Variants in SLC11A2 observed in about 807,000 individuals in gnomAD.
The protein encoded by SLC11A2 is natural resistance-associated macrophage protein 2.
A neutral mutation model predicts 68.0 loss-of-function variants in SLC11A2; 38 were observed. The ratio of observed to expected loss-of-function variants is 0.56; its 90% CI spans 0.43 to 0.73. The LOEUF is 0.73. SLC11A2 is among the 30% of genes least tolerant of loss of function. The pLI is 0.00. For missense variants in SLC11A2, 517 were observed against 690.5 expected (o/e 0.75, Z 2.82); for synonymous variants, 242 against 250.6 (o/e 0.97, Z 0.32).
chr12:50,987,236 A>T lies in SLC11A2; in HGVS notation c.*1089T>A. On this transcript the variant is annotated 3_prime_UTR_variant, in exon 16 of 16. Transcript: ENST00000262052. ...CTTTGCTGAGACAGTGAACTTTGCA[A>T]CCATACTAACACCTACTGACTTGCA... 2 of 1,287,188 alleles carry T rather than the reference A, an allele frequency of 1.6e-6. No individual in the cohort carries two copies. Among genetic ancestry groups the T allele is most frequent in the Non-Finnish European group, 2.0e-6 (2 of 988,668 alleles). The allele number at this position is 1,287,188 out of a possible 1,614,324, so 79.7% of individuals were successfully genotyped here.
At chr12:51,010,011 A>G (rs1943070100) in intron 2 of SLC11A2, among the ~76,000 whole-genome samples, 2 of 151,848 alleles carry the variant, frequency 1.3e-5, no homozygotes, top group South Asian at 2.1e-4. Context: ...GCAAAACCCC[A>G]TCTCTACTAA....
chr12:51,017,422 G>A (rs1943740112), intron 1 of SLC11A2, among the ~76,000 whole-genome samples: 1 of 152,064 alleles, frequency 6.6e-6, no homozygotes, highest in Non-Finnish European at 1.5e-5. Context: ...AGAAAAAAGA[G>A]AAAACACACA....
At chr12:50,981,993 A>G (rs1940064396), downstream of SLC11A2, among the ~76,000 whole-genome samples, 1 of 152,356 alleles carries the variant, frequency 6.6e-6, no homozygotes, top group Admixed American at 6.5e-5. Flanking sequence ...AATAACAGGT[A>G]GGAGCTGAAA....
downstream of SLC11A2, among the ~76,000 whole-genome samples, chr12:50,982,907 C>T (rs994378613): frequency 9.3e-5 from 14 of 150,064 alleles, no homozygotes; most frequent in South Asian, 2.7e-3. Flanking sequence ...TGCCACTGCA[C>T]TCCGGCCTGG....
chr12:51,026,270 G>A (rs530010853), intron 1 of SLC11A2, 40 bp downstream of exon 1: 25 of 1,207,920 alleles, frequency 2.1e-5, no homozygotes, highest in Admixed American at 1.3e-4. Flanking sequence ...CCCTGCCAGC[G>A]AGCGGAATGC....
chr12:51,005,743 C>A, intron 3 of SLC11A2: 1 of 1,264,814 alleles, frequency 7.9e-7, no homozygotes, highest in East Asian at 5.5e-5. Context: ...ACAAGAGCCA[C>A]CATTTTAAAA....
downstream of SLC11A2, among the ~76,000 whole-genome samples, chr12:50,975,855 T>C (rs1939841171): frequency 6.6e-6 from 1 of 152,168 alleles, no homozygotes; most frequent in Non-Finnish European, 1.5e-5. Context: ...CAGAGAATAC[T>C]ATGAACACCC....
the SLC11A2 span, among the ~76,000 whole-genome samples, chr12:50,968,934 C>G: frequency 6.6e-6 from 1 of 152,176 alleles, no homozygotes. Flanking sequence ...CTCCCTTGGC[C>G]TTCCAACGTG....
In SLC11A2 at chr12:50,987,517, A is replaced by T; in HGVS notation, c.*808T>A. On this transcript the variant is annotated 3_prime_UTR_variant, in exon 16 of 16. Coordinates refer to ENST00000262052, the MANE Select transcript of SLC11A2 (RefSeq NM_000617.3). ...TATCACCACCCTCCTGGAGAAAGAA[A>T]GTTAAGGTTTTACAACCACATGTGC... 1 of 1,287,254 alleles carries T rather than the reference A, an allele frequency of 7.8e-7. No individual in the cohort carries two copies. The highest frequency in any genetic ancestry group is 1.0e-6 in the Non-Finnish European group (1 of 988,698). 79.7% of individuals were successfully genotyped at this position (1,287,254 alleles called of 1,614,324 possible). A position where few individuals can be genotyped will look rare whatever the true frequency, so the allele number is the denominator to read the frequency against.
chr12:50,984,269 C>CA (rs1176253665), downstream of SLC11A2, among the ~76,000 whole-genome samples: 2 of 152,134 alleles, frequency 1.3e-5, no homozygotes, highest in African/African-American at 2.4e-5. Context: ...CAGATTAGAC[C>CA]AAATGATGCC....
At chr12:50,959,108 T>C in the SLC11A2 span, among the ~76,000 whole-genome samples, 8 of 152,158 alleles carry the variant, frequency 5.3e-5, no homozygotes, top group Admixed American at 5.2e-4. Context: ...CTATTACATC[T>C]ACCATATCCT....
At chr12:51,004,961 G>T in intron 4 of SLC11A2, 54 bp from the exon 5 acceptor site, 1 of 1,602,572 alleles carries the variant, frequency 6.2e-7, no homozygotes, top group Non-Finnish European at 8.5e-7. Flanking sequence ...GTTTTTGTCT[G>T]TTTGTTTGTT....
intron 1 of SLC11A2, among the ~76,000 whole-genome samples, chr12:51,016,483 A>C (rs984562550): frequency 2.0e-5 from 3 of 152,010 alleles, no homozygotes; most frequent in Non-Finnish European, 4.4e-5. Context: ...AGAGCTTGAG[A>C]CCAGCCTGGC....
At chr12:51,017,722 A>T (rs1203188252) in intron 1 of SLC11A2, among the ~76,000 whole-genome samples, 1 of 152,216 alleles carries the variant, frequency 6.6e-6, no homozygotes, top group Non-Finnish European at 1.5e-5. Flanking sequence ...TCAGAAGTCT[A>T]CAGCTGTCTA....
At position 51,026,290 on chromosome 12, in the gene SLC11A2, T is replaced by G; in HGVS notation, c.-39+20A>C. On this transcript the variant is annotated intron_variant, in intron 1 of 15. Coordinates refer to ENST00000262052, the MANE Select transcript of SLC11A2 (RefSeq NM_000617.3). The stretch of plus-strand genomic sequence containing the variant: ...CCAGCGAGCGGAATGCCGTGACCCC[T>G]GACCTTGCCTTCCCCTCACCTTACC... The G allele has an allele frequency of 8.1e-7, 1 of 1,240,126 alleles. No individual in the cohort carries two copies. Among genetic ancestry groups the G allele is most frequent in the Non-Finnish European group, 1.1e-6 (1 of 949,528 alleles). 76.8% of individuals were successfully genotyped at this position (1,240,126 alleles called of 1,614,324 possible). A position where few individuals can be genotyped will look rare whatever the true frequency, so the allele number is the denominator to read the frequency against.
chr12:51,026,490 G>C (rs1944400183), upstream of SLC11A2: 1 of 586,996 alleles, frequency 1.7e-6, no homozygotes, highest in African/African-American at 2.0e-5. Flanking sequence ...GCAGACCAGG[G>C]ACCTAGGCTC....
At chr12:50,961,182 T>C in the SLC11A2 span, 4 of 1,408,410 alleles carry the variant, frequency 2.8e-6, no homozygotes, top group Non-Finnish European at 2.9e-6. Flanking sequence ...TAGTAGAAGA[T>C]GAATGTTGGG....
the SLC11A2 span, among the ~76,000 whole-genome samples, chr12:50,972,499 C>T: frequency 6.6e-6 from 1 of 152,186 alleles, no homozygotes. Flanking sequence ...TAGCCATTGC[C>T]ATGTTCTGGG....
chr12:50,964,813 C>T, the SLC11A2 span, among the ~76,000 whole-genome samples: 1 of 152,236 alleles, frequency 6.6e-6, no homozygotes, highest in Admixed American at 6.5e-5. Context: ...GGAATAGTAT[C>T]ATTCTCCAAG....
Sources: gnomAD v4.1 joint callset for allele counts (sites outside exome capture counted in the v4.1 genomes callset) on GRCh38, gnomAD v4.1.1 for gene constraint, MANE v1.5 for transcripts, NCBI Gene and HGNC (gene_info 2026-07-23, HGNC 2026-07-21) for gene names.